Variants in FANCC observed in about 807,000 individuals in gnomAD.
FANCC encodes the protein Fanconi anemia group C protein.
A neutral mutation model predicts 71.3 loss-of-function variants in FANCC; 55 were observed. The ratio of observed to expected loss-of-function variants is 0.77; its 90% CI spans 0.62 to 0.97. FANCC has a LOEUF of 0.97. Among genes scored for constraint, FANCC ranks in the 50% least tolerant of loss-of-function variants. The probability of loss-of-function intolerance (pLI) is 0.00; values close to 1 mark genes in which losing one functional copy is unlikely to be tolerated. For synonymous variants in FANCC, 275 were observed against 244.9 expected, an observed-to-expected ratio of 1.12 and a Z score of -1.15; for missense variants, 678 against 670.9, an observed-to-expected ratio of 1.01 and a Z score of -0.12.
At chr9:95,161,794 C>T (rs141149011) in intron 6 of FANCC, among the ~76,000 whole-genome samples, 138 of 152,084 alleles carry the variant, frequency 9.1e-4, no homozygotes, top group African/African-American at 3.0e-3. Context: ...TTCCCTCTTC[C>T]TCCCATCCCA....
intron 4 of FANCC, among the ~76,000 whole-genome samples, chr9:95,190,412 A>T (rs1179891302): frequency 2.6e-5 from 4 of 152,116 alleles, no homozygotes; most frequent in Non-Finnish European, 4.4e-5. Flanking sequence ...ATTACTCCTC[A>T]TCTCTGTGTT....
chr9:95,107,031 T>C, intron 14 of FANCC, 35 bp downstream of exon 14: 1 of 1,609,686 alleles, frequency 6.2e-7, no homozygotes, highest in Non-Finnish European at 8.5e-7. Context: ...GGAGCAGAAA[T>C]GAGTACTAGG....
At chr9:95,131,881 T>C (rs1286721355) in intron 8 of FANCC, among the ~76,000 whole-genome samples, 1 of 152,180 alleles carries the variant, frequency 6.6e-6, no homozygotes, top group Admixed American at 6.5e-5. Flanking sequence ...AGTGCTACAA[T>C]TGCTACCTGG....
chr9:95,174,816 C>T (rs1242982156), intron 4 of FANCC, among the ~76,000 whole-genome samples: 2 of 151,980 alleles, frequency 1.3e-5, no homozygotes. Flanking sequence ...CAGTGATGGG[C>T]AGGCAGGCTC....
intron 1 of FANCC, among the ~76,000 whole-genome samples, chr9:95,263,211 C>T (rs889299065): frequency 6.6e-6 from 1 of 152,150 alleles, no homozygotes; most frequent in African/African-American, 2.4e-5. Context: ...CATCCCTGCC[C>T]TGCTGTCTCC....
chr9:95,182,433 T>C (rs1826433377), intron 4 of FANCC, among the ~76,000 whole-genome samples: 1 of 152,148 alleles, frequency 6.6e-6, no homozygotes, highest in Non-Finnish European at 1.5e-5. Flanking sequence ...GGCAGGAGAA[T>C]GGCGTGAACC....
At chr9:95,292,339 T>C in intron 1 of FANCC, 1 of 849,592 alleles carries the variant, frequency 1.2e-6, no homozygotes, top group South Asian at 5.4e-5. Flanking sequence ...GCGGGAGCCA[T>C]GGCGGCCTCG....
chr9:95,230,631 C>T lies in FANCC; in HGVS notation c.345+10018G>A, dbSNP rs4647454. ...GTCTCTCTGACTTCAGGAGTGAAGCCGCAGACCTTCGCAGTGAGTGTTACA... is the reference window on the plus strand; with the variant it reads ...GTCTCTCTGACTTCAGGAGTGAAGCTGCAGACCTTCGCAGTGAGTGTTACA... On this transcript the variant is annotated intron_variant, in intron 4 of 14. Coordinates refer to ENST00000289081, the MANE Select transcript of FANCC (RefSeq NM_000136.3). Among the ~76,000 whole-genome samples the T allele has an allele frequency of 2.3e-3, 351 of 151,908 alleles. 2 individuals carry two copies. Among genetic ancestry groups the T allele is most frequent in the African/African-American group, 8.2e-3 (338 of 41,440 alleles).
chr9:95,300,972 G>C (rs2136360117), intron 1 of FANCC, among the ~76,000 whole-genome samples: 2 of 152,238 alleles, frequency 1.3e-5, no homozygotes, highest in Middle Eastern at 3.4e-3. Flanking sequence ...AGGATGAGAA[G>C]AACAAATACA....
chr9:95,149,963 G>T lies in FANCC; in HGVS notation c.646C>A (p.Gln216Lys). The T allele has an allele frequency of 6.2e-7, 1 of 1,611,892 alleles. No homozygotes were observed. Among genetic ancestry groups the T allele is most frequent in the Non-Finnish European group, 8.5e-7 (1 of 1,179,128 alleles). Reference sequence around the variant, plus strand: ...TTTACAGCCTCAAAGAACTCTGGCTGGAGGATTTCCTGAGGTTCACGTCCA... The same window carrying T: ...TTTACAGCCTCAAAGAACTCTGGCTTGAGGATTTCCTGAGGTTCACGTCCA... ...CHGREPQEIL[Q>K]PEFFEAVNEA... The change falls in exon 7 of 15, where the codon CAG becomes AAG. Residue 216 changes from glutamine to lysine, a missense_variant. Transcript: ENST00000289081.
chr9:95,196,705 C>G (rs1016246891), intron 4 of FANCC, among the ~76,000 whole-genome samples: 1 of 152,196 alleles, frequency 6.6e-6, no homozygotes, highest in Admixed American at 6.5e-5. Flanking sequence ...AAACTGCACA[C>G]TCTCTGAGGG....
In FANCC at chr9:95,235,056, GAAT is replaced by G. The variant is rs1197746280; in HGVS notation, c.345+5590_345+5592del. 1.4e-4 allele frequency among the ~76,000 whole-genome samples: 21 copies of G among 152,284 alleles called. No homozygotes were observed. In the Middle Eastern group the frequency reaches 0.014, roughly 99 times the overall value. On this transcript the variant is annotated intron_variant, in intron 4 of 14. Coordinates refer to ENST00000289081, the MANE Select transcript of FANCC (RefSeq NM_000136.3). ...CAAGACACCCTCACAGAAACACACAGAATAATGTTACCAGGACCTTGTGTCCAG... is the reference window on the plus strand; with the variant it reads ...CAAGACACCCTCACAGAAACACACAGAATGTTACCAGGACCTTGTGTCCAG...
intron 7 of FANCC, among the ~76,000 whole-genome samples, chr9:95,139,234 A>G (rs1001225304): frequency 2.0e-5 from 3 of 152,200 alleles, no homozygotes; most frequent in Admixed American, 2.0e-4. Context: ...AGGGAAACGC[A>G]CCGACGTGGT....
intron 1 of FANCC, among the ~76,000 whole-genome samples, chr9:95,288,492 T>C (rs912197777): frequency 3.9e-5 from 6 of 152,236 alleles, no homozygotes; most frequent in African/African-American, 7.2e-5. Context: ...TGACAAGCCA[T>C]ACTTTAATAC....
chr9:95,289,946 A>G (rs1256818940), intron 1 of FANCC, among the ~76,000 whole-genome samples: 1 of 152,188 alleles, frequency 6.6e-6, no homozygotes, highest in Non-Finnish European at 1.5e-5. Context: ...GACATGATCC[A>G]TTGTGCCCAG....
intron 11 of FANCC, among the ~76,000 whole-genome samples, chr9:95,116,606 G>A (rs557132821): frequency 8.6e-4 from 131 of 152,266 alleles, no homozygotes; most frequent in Non-Finnish European, 1.2e-3. Flanking sequence ...TCTGGCTGGC[G>A]CAGTCTGTGC....
chr9:95,135,599 G>A (rs1588135175), intron 7 of FANCC, 97 bp from the exon 8 acceptor site: 1 of 1,005,286 alleles, frequency 9.9e-7, no homozygotes, highest in Non-Finnish European at 1.5e-6. Context: ...TCCAATTTGT[G>A]AGACTTCTCA....
At chr9:95,153,529 G>T (rs1830297525) in intron 6 of FANCC, among the ~76,000 whole-genome samples, 1 of 152,184 alleles carries the variant, frequency 6.6e-6, no homozygotes, top group Admixed American at 6.5e-5. Context: ...TCTTGCAGGA[G>T]TAAGGTGGTA....
intron 11 of FANCC, among the ~76,000 whole-genome samples, chr9:95,117,017 G>C (rs556318477): frequency 6.6e-6 from 1 of 152,340 alleles, no homozygotes; most frequent in South Asian, 2.1e-4. Flanking sequence ...GGCATCTGGT[G>C]GATCTGGTTG....
Sources: gnomAD v4.1 joint callset for allele counts (sites outside exome capture counted in the v4.1 genomes callset) on GRCh38, gnomAD v4.1.1 for gene constraint, MANE v1.5 for transcripts, NCBI Gene and HGNC (gene_info 2026-07-23, HGNC 2026-07-21) for gene names.